Variants in KIAA0586 observed in about 807,000 individuals in gnomAD.
The protein encoded by KIAA0586 is protein TALPID3.
KIAA0586 carries 144 observed loss-of-function variants against 169.8 expected under a neutral mutation model. That is an observed-to-expected ratio of 0.85 (90% confidence interval 0.74 to 0.97). The LOEUF is 0.97. KIAA0586 is among the 50% of genes least tolerant of loss of function. The pLI, the probability that KIAA0586 is intolerant of heterozygous loss-of-function variation, is 0.00. For synonymous variants in KIAA0586, 625 were observed against 612.4 expected, an observed-to-expected ratio of 1.02 and a Z score of -0.30; for missense variants, 1,854 against 1,823.0, an observed-to-expected ratio of 1.02 and a Z score of -0.31.
At chr14:58,430,606 A>C in intron 2 of KIAA0586, 42 bp from the exon 3 acceptor site, 1 of 1,223,352 alleles carries the variant, frequency 8.2e-7, no homozygotes, top group Non-Finnish European at 1.2e-6. Flanking sequence ...ATAATAAATC[A>C]TGAAGTTTAT....
At position 58,465,700 on chromosome 14, in the gene KIAA0586, T is replaced by C. The variant is rs2040703100; in HGVS notation, c.2060-135T>C. ...AAGTTTGCTACCTCTGGTCTATATATTACTTCTGTTTTGGGGCCTTGTAAC... is the reference window on the plus strand; with the variant it reads ...AAGTTTGCTACCTCTGGTCTATATACTACTTCTGTTTTGGGGCCTTGTAAC... On this transcript the variant is annotated intron_variant, in intron 14 of 30. Coordinates refer to ENST00000652326, the MANE Select transcript of KIAA0586 (RefSeq NM_001329943.3). 3 of 561,842 alleles carry C rather than the reference T, an allele frequency of 5.3e-6. No homozygotes were observed. The East Asian group carries it at 9.0e-5, about 17-fold the overall frequency. 34.8% of individuals were successfully genotyped at this position (561,842 alleles called of 1,614,324 possible). A position where few individuals can be genotyped will look rare whatever the true frequency, so the allele number is the denominator to read the frequency against.
At chr14:58,488,516 A>G in intron 23 of KIAA0586, 105 bp from the exon 24 acceptor site, 1 of 1,327,030 alleles carries the variant, frequency 7.5e-7, no homozygotes, top group Non-Finnish European at 1.0e-6. Flanking sequence ...ATTTAAAAAA[A>G]TATTTTGCTA....
At chr14:58,523,070 T>C (rs2045338385) in intron 29 of KIAA0586, among the ~76,000 whole-genome samples, 1 of 152,054 alleles carries the variant, frequency 6.6e-6, no homozygotes, top group African/African-American at 2.4e-5. Flanking sequence ...TATATATATA[T>C]ATAGTCTAAC....
Position 58,428,011 on chromosome 14 carries a change from C to A in KIAA0586, c.-254C>A. The A allele has an allele frequency of 1.4e-6, 2 of 1,426,062 alleles. No individual in the cohort carries two copies. Among genetic ancestry groups the A allele is most frequent in the Non-Finnish European group, 1.8e-6 (2 of 1,097,508 alleles). 88.3% of individuals were successfully genotyped at this position (1,426,062 alleles called of 1,614,324 possible). On this transcript the variant is annotated 5_prime_UTR_variant, in exon 1 of 31. Transcript: ENST00000652326. ...TTATGGTTATTGTTGCTCCTGTGGC[C>A]ATTCTCTTGTCATCCCCACTTTCAC...
At position 58,474,590 on chromosome 14, in the gene KIAA0586, G is replaced by T. The variant is rs1478236874; in HGVS notation, c.2635-17G>T. On this transcript the variant is annotated splice_polypyrimidine_tract_variant and intron_variant, in intron 18 of 30. Coordinates refer to ENST00000652326, the MANE Select transcript of KIAA0586 (RefSeq NM_001329943.3). ...ACAAATACATGAATATAATAGTTTT[G>T]TTTTTGTTACTACCAGGAAGAAGAA... The T allele has an allele frequency of 2.6e-6, 4 of 1,537,186 alleles. No individual in the cohort carries two copies. Among genetic ancestry groups the T allele is most frequent in the Non-Finnish European group, 2.6e-6 (3 of 1,143,848 alleles).
At chr14:58,520,950 A>T (rs1344359398) in intron 29 of KIAA0586, 1 of 193,758 alleles carries the variant, frequency 5.2e-6, no homozygotes, top group African/African-American at 2.4e-5. Flanking sequence ...CCCTTTACAT[A>T]AAGTACCATA....
chr14:58,534,394 T>C (rs957478005), intron 29 of KIAA0586, among the ~76,000 whole-genome samples: 2 of 152,212 alleles, frequency 1.3e-5, no homozygotes, highest in African/African-American at 4.8e-5. Flanking sequence ...TATTATTGCT[T>C]AATAGACATA....
chr14:58,445,120 CAT>C (rs2038759499), intron 6 of KIAA0586, among the ~76,000 whole-genome samples: 3 of 145,720 alleles, frequency 2.1e-5, no homozygotes, highest in African/African-American at 5.0e-5. Flanking sequence ...TACACACACA[CAT>C]ACATACACAC....
chr14:58,440,937 A>G (rs1045232053), intron 4 of KIAA0586: 2 of 163,138 alleles, frequency 1.2e-5, no homozygotes, highest in African/African-American at 4.8e-5. Flanking sequence ...GCATGTAACT[A>G]TGGTTAATAA....
At chr14:58,450,797 A>AT (rs1165810623) in intron 8 of KIAA0586, 51 bp downstream of exon 8, 1 of 1,187,324 alleles carries the variant, frequency 8.4e-7, no homozygotes, top group Non-Finnish European at 1.2e-6. Flanking sequence ...TTGTCATGAG[A>AT]TTTTCTGTGC....
intron 26 of KIAA0586, among the ~76,000 whole-genome samples, chr14:58,495,442 T>C (rs895459795): frequency 6.6e-6 from 1 of 151,848 alleles, no homozygotes; most frequent in East Asian, 1.9e-4. Flanking sequence ...GCTGGGACTA[T>C]AGGCGTGTAC....
chr14:58,474,172 C>G (rs2041433889), intron 18 of KIAA0586, among the ~76,000 whole-genome samples: 1 of 152,108 alleles, frequency 6.6e-6, no homozygotes. Context: ...GATCTGCCCC[C>G]AAGACCCAAG....
intron 15 of KIAA0586, among the ~76,000 whole-genome samples, chr14:58,466,906 A>G (rs1406208547): frequency 2.6e-5 from 4 of 152,014 alleles, no homozygotes; most frequent in Admixed American, 6.6e-5. Flanking sequence ...ATAGTTGTTT[A>G]TTTACTTATT....
chr14:58,501,960 G>A (rs1443358651), intron 27 of KIAA0586, among the ~76,000 whole-genome samples: 1 of 152,098 alleles, frequency 6.6e-6, no homozygotes, highest in African/African-American at 2.4e-5. Context: ...TTGGACTGAG[G>A]TCATCTGAAG....
intron 27 of KIAA0586, among the ~76,000 whole-genome samples, chr14:58,504,578 G>A (rs1315955049): frequency 6.6e-6 from 1 of 152,116 alleles, no homozygotes; most frequent in African/African-American, 2.4e-5. Context: ...AGTCTGCCAT[G>A]GTTGCTTTCC....
At chr14:58,556,801 A>G in the KIAA0586 span, among the ~76,000 whole-genome samples, 11 of 152,194 alleles carry the variant, frequency 7.2e-5, no homozygotes, top group African/African-American at 9.6e-5. Flanking sequence ...GCTGGAGTGC[A>G]ATGGCTCGAT....
chr14:58,525,539 G>A (rs973324406), intron 29 of KIAA0586, among the ~76,000 whole-genome samples: 5 of 152,144 alleles, frequency 3.3e-5, no homozygotes, highest in Admixed American at 1.3e-4. Context: ...CAGATACTAT[G>A]CTTTTCCCAT....
rs1464538232 is a variant in KIAA0586 at position 58,457,751 on chromosome 14, C to T, written c.1363-8C>T. 10 of 1,560,578 alleles carry T rather than the reference C, an allele frequency of 6.4e-6. No individual in the cohort carries two copies. The Admixed American group carries it at 7.9e-5, about 12-fold the overall frequency. Reference sequence around the variant, plus strand: ...TTTAGTAACTTTCTGGTCTTTTTTTCTTTTAAGCCAAAAGAATCTCTGAGT... The same window carrying T: ...TTTAGTAACTTTCTGGTCTTTTTTTTTTTTAAGCCAAAAGAATCTCTGAGT... On this transcript the variant is annotated splice_polypyrimidine_tract_variant and splice_region_variant and intron_variant, in intron 10 of 30. Coordinates refer to ENST00000652326, the MANE Select transcript of KIAA0586 (RefSeq NM_001329943.3).
intron 29 of KIAA0586, among the ~76,000 whole-genome samples, chr14:58,517,589 T>C (rs928016883): frequency 3.9e-5 from 6 of 152,158 alleles, no homozygotes; most frequent in African/African-American, 1.4e-4. Flanking sequence ...TAAACATAAA[T>C]TTACCCTATG....
Sources: allele counts gnomAD v4.1 joint callset (sites outside exome capture counted in the v4.1 genomes callset), GRCh38; gene constraint gnomAD v4.1.1; transcripts MANE v1.5; gene names NCBI Gene and HGNC (gene_info 2026-07-23, HGNC 2026-07-21).